The following PPARGC1A variants were observed in gnomAD, a reference collection of about 807,000 sequenced individuals.
The protein encoded by PPARGC1A is peroxisome proliferator-activated receptor gamma coactivator 1-alpha.
A neutral mutation model predicts 88.7 loss-of-function variants in PPARGC1A; 25 were observed. That is an observed-to-expected ratio of 0.28 (90% confidence interval 0.21 to 0.39). The LOEUF (loss-of-function observed/expected upper bound fraction) is 0.39, where lower values mean the gene tolerates loss of function less well. Among genes scored for constraint, PPARGC1A ranks in the 10% least tolerant of loss-of-function variants. The probability of loss-of-function intolerance (pLI) is 1.00; values close to 1 mark genes in which losing one functional copy is unlikely to be tolerated. For synonymous variants in PPARGC1A, 363 were observed against 355.6 expected, an observed-to-expected ratio of 1.02 and a Z score of -0.24; for missense variants, 880 against 968.7, an observed-to-expected ratio of 0.91 and a Z score of 1.22.
the PPARGC1A span, among the ~76,000 whole-genome samples, chr4:24,312,925 G>GA: frequency 3.5e-4 from 52 of 148,678 alleles, no homozygotes; most frequent in East Asian, 4.7e-3. Flanking sequence ...TTACCATAAA[G>GA]AAAAAAAAAC....
chr4:24,107,282 T>A, the PPARGC1A span, among the ~76,000 whole-genome samples: 1 of 152,272 alleles, frequency 6.6e-6, no homozygotes, highest in Non-Finnish European at 1.5e-5. Flanking sequence ...TCATTTCTTC[T>A]TTTGTGCATT....
the PPARGC1A span, among the ~76,000 whole-genome samples, chr4:24,440,668 G>A: frequency 2.6e-5 from 4 of 152,090 alleles, no homozygotes; most frequent in African/African-American, 9.7e-5. Flanking sequence ...TGGGCATGGT[G>A]GCACATGCCT....
At chr4:24,187,603 A>G in the PPARGC1A span, among the ~76,000 whole-genome samples, 4 of 152,228 alleles carry the variant, frequency 2.6e-5, no homozygotes, top group African/African-American at 9.6e-5. Context: ...AGAAGCTTTT[A>G]CAGTAAATGT....
chr4:24,040,473 T>C, the PPARGC1A span, among the ~76,000 whole-genome samples: 1 of 152,212 alleles, frequency 6.6e-6, no homozygotes, highest in African/African-American at 2.4e-5. Flanking sequence ...AACAGTCACA[T>C]GAAAATTGAT....
the PPARGC1A span, among the ~76,000 whole-genome samples, chr4:24,153,055 ATAAT>A: frequency 9.8e-5 from 15 of 152,324 alleles, no homozygotes; most frequent in African/African-American, 3.6e-4. Flanking sequence ...AGCAACAGTA[ATAAT>A]AGCACTGATT....
chr4:24,082,031 T>C, the PPARGC1A span, among the ~76,000 whole-genome samples: 1 of 152,120 alleles, frequency 6.6e-6, no homozygotes, highest in African/African-American at 2.4e-5. Flanking sequence ...TAAGGAAAGA[T>C]CCAACGGTTT....
the PPARGC1A span, among the ~76,000 whole-genome samples, chr4:24,007,147 T>C: frequency 6.6e-6 from 1 of 152,192 alleles, no homozygotes; most frequent in Non-Finnish European, 1.5e-5. Context: ...AAATACAGTA[T>C]TTAAAGTAGA....
At position 23,795,283 on chromosome 4, in the gene PPARGC1A, TTTTTA is replaced by T. The variant is rs1717315084; in HGVS notation, c.*534_*538del. 1.6e-5 allele frequency: 2 copies of T among 123,266 alleles called. No homozygotes were observed. Among genetic ancestry groups the T allele is most frequent in the Non-Finnish European group, 3.3e-5 (2 of 60,928 alleles). The allele number at this position is 123,266 out of a possible 1,614,324, so 7.6% of individuals were successfully genotyped here. A position where few individuals can be genotyped will look rare whatever the true frequency, so the allele number is the denominator to read the frequency against. On this transcript the variant is annotated 3_prime_UTR_variant, in exon 13 of 13. Transcript: ENST00000264867. Reference sequence around the variant, plus strand: ...TTGGTTGGTTGTTAGTTTTCTTTCCTTTTTAATTTATATATATATATATATATATA... The same window carrying T: ...TTGGTTGGTTGTTAGTTTTCTTTCCTATTTATATATATATATATATATATA...
the PPARGC1A span, among the ~76,000 whole-genome samples, chr4:24,226,799 C>G: frequency 6.6e-6 from 1 of 152,286 alleles, no homozygotes; most frequent in East Asian, 1.9e-4. Context: ...GCCAGATGAT[C>G]TGGCTCAACC....
chr4:23,947,293 C>A, the PPARGC1A span, among the ~76,000 whole-genome samples: 2 of 146,764 alleles, frequency 1.4e-5, no homozygotes, highest in African/African-American at 5.1e-5. Context: ...TAGATTAGCT[C>A]ATTTTACCCT....
chr4:23,903,969 A>C, upstream of PPARGC1A: 1 of 906,294 alleles, frequency 1.1e-6, no homozygotes, highest in Non-Finnish European at 1.3e-6. Context: ...TCCTAGGTGC[A>C]GACATAATGC....
chr4:24,018,488 G>A, the PPARGC1A span, among the ~76,000 whole-genome samples: 1 of 151,906 alleles, frequency 6.6e-6, no homozygotes, highest in African/African-American at 2.4e-5. Flanking sequence ...TGTGGGGTGA[G>A]GGTGATGAGG....
the PPARGC1A span, among the ~76,000 whole-genome samples, chr4:24,068,418 A>G: frequency 1.3e-5 from 2 of 152,164 alleles, no homozygotes; most frequent in African/African-American, 4.8e-5. Context: ...AGCACCTACT[A>G]TACCCTAGGT....
At chr4:24,007,250 C>T in the PPARGC1A span, among the ~76,000 whole-genome samples, 1 of 152,166 alleles carries the variant, frequency 6.6e-6, no homozygotes, top group African/African-American at 2.4e-5. Context: ...CCCTCTCTCA[C>T]ACTTTTTCAT....
intron 2 of PPARGC1A, among the ~76,000 whole-genome samples, chr4:23,850,112 T>C (rs1249776654): frequency 2.6e-5 from 4 of 152,220 alleles, no homozygotes; most frequent in Non-Finnish European, 5.9e-5. Flanking sequence ...CACTGTTTGT[T>C]TGAGCTACGG....
chr4:24,108,637 G>A, the PPARGC1A span, among the ~76,000 whole-genome samples: 3 of 152,116 alleles, frequency 2.0e-5, no homozygotes, highest in Non-Finnish European at 2.9e-5. Flanking sequence ...TTCTGCAGAT[G>A]AGGAAATTGA....
the PPARGC1A span, among the ~76,000 whole-genome samples, chr4:24,360,326 C>T: frequency 1.1e-4 from 16 of 152,286 alleles, no homozygotes; most frequent in Non-Finnish European, 1.8e-4. Context: ...CCAAACTCCA[C>T]ACTATGGCTA....
At chr4:24,389,872 C>G in the PPARGC1A span, among the ~76,000 whole-genome samples, 4 of 152,222 alleles carry the variant, frequency 2.6e-5, no homozygotes, top group Non-Finnish European at 4.4e-5. Context: ...CTAAGGGAGG[C>G]TTTGTTCTAA....
the PPARGC1A span, among the ~76,000 whole-genome samples, chr4:23,941,720 T>TCAC: frequency 6.6e-6 from 1 of 152,138 alleles, no homozygotes; most frequent in Non-Finnish European, 1.5e-5. Flanking sequence ...GGGCACAATG[T>TCAC]CACCACCAGG....
Sources: allele counts gnomAD v4.1 joint callset (sites outside exome capture counted in the v4.1 genomes callset), GRCh38; gene constraint gnomAD v4.1.1; transcripts MANE v1.5; gene names NCBI Gene and HGNC (gene_info 2026-07-23, HGNC 2026-07-21).